MSH3: variants seen among roughly 807,000 people sequenced by gnomAD.
MSH3 encodes the protein mutS homolog 3.
MSH3 carries 106 observed loss-of-function variants against 123.3 expected under a neutral mutation model. The observed-to-expected ratio is 0.86, with a 90% CI of 0.73 to 1.01. The LOEUF (loss-of-function observed/expected upper bound fraction) is 1.01. Ranked by LOEUF, MSH3 falls within the 50% of genes least tolerant of loss-of-function variation. The pLI, the probability that MSH3 is intolerant of heterozygous loss-of-function variation, is 0.00. For missense variants in MSH3, 1,459 were observed against 1,347.6 expected (o/e 1.08, Z -1.29); for synonymous variants, 515 against 481.4 (o/e 1.07, Z -0.91).
chr5:80,842,828 T>TA (rs1333961078), intron 20 of MSH3, among the ~76,000 whole-genome samples: 1 of 152,178 alleles, frequency 6.6e-6, no homozygotes, highest in Non-Finnish European at 1.5e-5. Context: ...GTTTTCTAAA[T>TA]ATGCAATCAT....
intron 8 of MSH3, among the ~76,000 whole-genome samples, chr5:80,685,612 T>C (rs1165079380): frequency 3.3e-5 from 5 of 152,078 alleles, no homozygotes; most frequent in Admixed American, 3.3e-4. Flanking sequence ...AAACTAACTT[T>C]TGGTTTGTTG....
In MSH3 at chr5:80,741,511, G is replaced by T; in HGVS notation, c.1616G>T (p.Gly539Val). 1 of 1,608,014 alleles carries T rather than the reference G, an allele frequency of 6.2e-7. No individual in the cohort carries two copies. The highest frequency in any genetic ancestry group is 8.5e-7 in the Non-Finnish European group (1 of 1,174,486). Residue 539 changes from glycine (G) to valine (V), a missense_variant, in exon 11 of 24, where the codon GGA (glycine) becomes GTA (valine). Coordinates refer to ENST00000265081, the MANE Select transcript of MSH3 (RefSeq NM_002439.5). ...SSKMEFMTINGTTLRNLEILQ... is the reference protein window; with the variant it reads ...SSKMEFMTINVTTLRNLEILQ... ...AAAATGGAATTTATGACAATTAATG[G>T]AACAACATTAAGGAATCTGGAAATC...
At chr5:80,843,618 C>G (rs902713169) in intron 20 of MSH3, among the ~76,000 whole-genome samples, 1 of 152,172 alleles carries the variant, frequency 6.6e-6, no homozygotes, top group Non-Finnish European at 1.5e-5. Flanking sequence ...CAACTTCTTC[C>G]TGGTTTAGTC....
chr5:80,746,772 A>G (rs1743728472), intron 12 of MSH3: 3 of 400,084 alleles, frequency 7.5e-6, no homozygotes, highest in African/African-American at 4.2e-5. Flanking sequence ...GGCAATTTCC[A>G]CATCAAATAT....
In MSH3 at chr5:80,775,721, G is replaced by C; in HGVS notation, c.2281G>C (p.Val761Leu). Reference protein sequence around the residue: ...EFMIEIKNSAVSCIPTDWVKV... With the variant: ...EFMIEIKNSALSCIPTDWVKV... ...TATGATAGAAATAAAGAACTCTGCT[G>C]TATCTTGTATACCAACTGATTGGGT... is the stretch of plus-strand genomic sequence containing the variant. The change falls in exon 16 of 24, where the codon GTA becomes CTA. Residue 761 changes from valine (V) to leucine (L), a missense_variant. By Grantham distance (32) the Val-to-Leu change is conservative (BLOSUM62 1). Coordinates refer to ENST00000265081, the MANE Select transcript of MSH3 (RefSeq NM_002439.5). 6.3e-7 allele frequency: 1 copy of C among 1,586,854 alleles called. No individual in the cohort carries two copies. Among genetic ancestry groups the C allele is most frequent in the Non-Finnish European group, 8.7e-7 (1 of 1,155,622 alleles).
chr5:80,778,442 T>A (rs1465232259), intron 16 of MSH3, among the ~76,000 whole-genome samples: 2 of 152,080 alleles, frequency 1.3e-5, no homozygotes, highest in Non-Finnish European at 2.9e-5. Context: ...TAGTATAATT[T>A]AAAGAAAAAA....
At chr5:80,795,372 C>A (rs1744678624) in intron 19 of MSH3, among the ~76,000 whole-genome samples, 1 of 152,058 alleles carries the variant, frequency 6.6e-6, no homozygotes, top group Non-Finnish European at 1.5e-5. Context: ...AAATTTATTC[C>A]TCAGAGTTCT....
intron 10 of MSH3, among the ~76,000 whole-genome samples, chr5:80,729,460 G>GTATATATATATATATATA (rs376372477): frequency 8.4e-5 from 8 of 95,028 alleles, no homozygotes; most frequent in South Asian, 8.2e-4. Context: ...GTGTGTGTGT[G>GTATATATATATATATATA]TATATATATA....
intron 7 of MSH3, among the ~76,000 whole-genome samples, chr5:80,676,843 A>G (rs1749850192): frequency 6.6e-6 from 1 of 152,246 alleles, no homozygotes; most frequent in Admixed American, 6.5e-5. Context: ...CAGAGTTGAT[A>G]GTATATAATT....
chr5:80,835,247 G>T (rs968281752), intron 20 of MSH3, among the ~76,000 whole-genome samples: 11 of 152,214 alleles, frequency 7.2e-5, no homozygotes, highest in African/African-American at 2.4e-4. Flanking sequence ...GTCTATGTCA[G>T]ACCATCCCGT....
intron 8 of MSH3, among the ~76,000 whole-genome samples, chr5:80,683,695 T>A (rs1442960128): frequency 1.3e-5 from 2 of 152,210 alleles, no homozygotes; most frequent in African/African-American, 4.8e-5. Flanking sequence ...GTGCAGAAGC[T>A]TTTTAACTTC....
chr5:80,751,240 A>G (rs1187978672), intron 12 of MSH3, among the ~76,000 whole-genome samples: 2 of 152,222 alleles, frequency 1.3e-5, no homozygotes, highest in Non-Finnish European at 2.9e-5. Flanking sequence ...CTATCAGAAC[A>G]ACATGAATTC....
intron 8 of MSH3, among the ~76,000 whole-genome samples, chr5:80,716,457 G>C (rs1429035954): frequency 1.3e-5 from 2 of 151,710 alleles, no homozygotes; most frequent in South Asian, 4.2e-4. Context: ...GCAGAGATTG[G>C]GTTTTGCTCT....
At chr5:80,812,493 C>T (rs1397314823) in intron 19 of MSH3, among the ~76,000 whole-genome samples, 2 of 152,002 alleles carry the variant, frequency 1.3e-5, no homozygotes, top group Non-Finnish European at 2.9e-5. Context: ...GTAATTGAAC[C>T]TCACTGGTTC....
At chr5:80,776,894 A>C (rs1744312294) in intron 16 of MSH3, among the ~76,000 whole-genome samples, 1 of 147,294 alleles carries the variant, frequency 6.8e-6, no homozygotes. Flanking sequence ...ATACATATAT[A>C]CAAAAAATAT....
At chr5:80,777,966 A>T (rs1744335240) in intron 16 of MSH3, among the ~76,000 whole-genome samples, 1 of 152,210 alleles carries the variant, frequency 6.6e-6, no homozygotes, top group Non-Finnish European at 1.5e-5. Flanking sequence ...GGTAGATATT[A>T]TTATCCCCGT....
In MSH3 at chr5:80,752,731, C is replaced by A. The variant is rs139655082; in HGVS notation, c.1763+8116C>A. On this transcript the variant is annotated intron_variant, in intron 12 of 23. Transcript: ENST00000265081. The stretch of plus-strand genomic sequence containing the variant: ...GAAGGTAGCCATGGTCTTTAGAATA[C>A]CAAAAAATTGGAAGCAGTGTAATTA... Among the ~76,000 whole-genome samples, 650 of 151,780 alleles carry A rather than the reference C, an allele frequency of 4.3e-3. 6 individuals carry two copies. The highest frequency in any genetic ancestry group is 0.014 in the African/African-American group (596 of 41,376).
chr5:80,709,560 T>TG (rs1750802415), intron 8 of MSH3, among the ~76,000 whole-genome samples: 2 of 152,154 alleles, frequency 1.3e-5, no homozygotes, highest in Non-Finnish European at 2.9e-5. Flanking sequence ...AGGCGGAGCT[T>TG]GCAGTGAGCT....
intron 12 of MSH3, 124 bp downstream of exon 12, chr5:80,744,739 T>G: frequency 1.3e-6 from 1 of 763,110 alleles, no homozygotes; most frequent in Non-Finnish European, 2.3e-6. Flanking sequence ...ACATTTTATT[T>G]TAGAACTGAG....
Sources: gnomAD v4.1 joint callset for allele counts (sites outside exome capture counted in the v4.1 genomes callset) on GRCh38, gnomAD v4.1.1 for gene constraint, MANE v1.5 for transcripts, NCBI Gene and HGNC (gene_info 2026-07-23, HGNC 2026-07-21) for gene names.